BDP1: variants seen among roughly 807,000 people sequenced by gnomAD.
BDP1 encodes the protein BDP1 general transcription factor IIIB subunit, also known as transcription factor TFIIIB component B'' homolog.
In BDP1, 169 loss-of-function variants were observed where a neutral mutation model predicts 266.6. That is an observed-to-expected ratio of 0.63 (90% CI 0.56 to 0.72). BDP1 has a LOEUF of 0.72. Ranked by LOEUF, BDP1 falls within the 30% of genes least tolerant of loss-of-function variation. The pLI, the probability that BDP1 is intolerant of heterozygous loss-of-function variation, is 0.00. For missense variants in BDP1, 3,015 were observed against 3,053.8 expected, an observed-to-expected ratio of 0.99 and a Z score of 0.30; for synonymous variants, 1,090 against 1,022.4, an observed-to-expected ratio of 1.07 and a Z score of -1.26.
chr5:71,577,741 C>T, the BDP1 span, among the ~76,000 whole-genome samples: 1 of 151,972 alleles, frequency 6.6e-6, no homozygotes, highest in African/African-American at 2.4e-5. Context: ...AGAGCGTCAA[C>T]CCTTGGACCT....
Position 71,560,069 on chromosome 5 carries a change from C to G in BDP1, c.7328C>G (p.Ala2443Gly), listed in dbSNP as rs748666920. Residue 2443 changes from alanine (A) to glycine (G), a missense_variant, in exon 37 of 39, where the codon GCT (alanine) becomes GGT (glycine). Coordinates refer to ENST00000358731, the MANE Select transcript of BDP1 (RefSeq NM_018429.3). ...PEPQRQQVEA[A>G]FQSRGSRSPD... ...CCTCAAAGACAGCAAGTTGAAGCAG[C>G]TTTTCAGAGTAGAGGATCTAGATCT... 7 of 1,613,908 alleles carry G rather than the reference C, an allele frequency of 4.3e-6. No homozygotes were observed. In the Admixed American group the frequency reaches 8.3e-5, roughly 19 times the overall value.
At chr5:71,558,855 ACCC>A (rs1743425152) in intron 36 of BDP1, among the ~76,000 whole-genome samples, 1 of 148,448 alleles carries the variant, frequency 6.7e-6, no homozygotes, top group South Asian at 2.1e-4. Flanking sequence ...CAACAAAAAA[ACCC>A]CACACATATA....
chr5:71,532,176 T>A (rs1766286921), intron 25 of BDP1, 132 bp from the exon 26 acceptor site: 1 of 728,270 alleles, frequency 1.4e-6, no homozygotes, highest in East Asian at 3.0e-5. Context: ...CCATTCCATT[T>A]TTTAAGTTAT....
chr5:71,551,133 T>G (rs1262507790), intron 34 of BDP1, among the ~76,000 whole-genome samples: 1 of 152,086 alleles, frequency 6.6e-6, no homozygotes, highest in Non-Finnish European at 1.5e-5. Flanking sequence ...TTATTTTTAA[T>G]TGATCATTCT....
At chr5:71,572,642 A>G (rs755504561), downstream of BDP1, among the ~76,000 whole-genome samples, 16 of 152,228 alleles carry the variant, frequency 1.1e-4, no homozygotes, top group African/African-American at 1.7e-4. Context: ...TCGTTGAAAC[A>G]AACTGGTGCT....
At chr5:71,500,362 G>A (rs1174104714) in intron 13 of BDP1, among the ~76,000 whole-genome samples, 1 of 46,258 alleles carries the variant, frequency 2.2e-5, no homozygotes, top group African/African-American at 1.2e-4. Flanking sequence ...TTTCACTCTT[G>A]TTGCCCCAGC....
In BDP1 at chr5:71,510,593, T is replaced by G; in HGVS notation, c.3501T>G (p.Asp1167Glu). 1.3e-6 allele frequency: 2 copies of G among 1,587,258 alleles called. No homozygotes were observed. The highest frequency in any genetic ancestry group is 1.7e-6 in the Non-Finnish European group (2 of 1,163,056). ...ENGPEEVKPV[D>E]EMETDLKTTG... ...GCCCAGAGGAGGTCAAGCCTGTAGA[T>G]GAAATGGAGACAGACTTGAAAACAA... Residue 1167 changes from aspartate (D) to glutamate (E), a missense_variant, in exon 17 of 39, where the codon GAT becomes GAG. Asp to Glu is a conservative substitution (Grantham distance 45). Coordinates refer to ENST00000358731, the MANE Select transcript of BDP1 (RefSeq NM_018429.3).
In BDP1 at chr5:71,535,128, T is replaced by G. The variant is rs141690653; in HGVS notation, c.5892+2701T>G. On this transcript the variant is annotated intron_variant, in intron 26 of 38. Coordinates refer to ENST00000358731, the MANE Select transcript of BDP1 (RefSeq NM_018429.3). ...TTCTTTCTGTATTAGTTTCCTAGGA[T>G]CACTGTAACAAAGTACAGATGCTCC... is the stretch of plus-strand genomic sequence containing the variant. 5.4e-3 allele frequency among the ~76,000 whole-genome samples: 829 copies of G among 152,314 alleles called. 8 individuals carry two copies. Among genetic ancestry groups the G allele is most frequent in the African/African-American group, 0.019 (795 of 41,562 alleles).
chr5:71,536,867 GC>G (rs1380764391), intron 26 of BDP1, among the ~76,000 whole-genome samples: 1 of 151,928 alleles, frequency 6.6e-6, no homozygotes, highest in African/African-American at 2.4e-5. Flanking sequence ...GTTGGCTCAC[GC>G]CTATAATCCC....
At position 71,502,656 on chromosome 5, in the gene BDP1, A is replaced by T. The variant is rs754902524; in HGVS notation, c.2106A>T (p.Val702=). The part of the protein sequence containing the change: ...EGSQLKALRP[V]QVRGRLQKPK... ...GTCAACTAAAGGCTTTAAGACCTGT[A>T]CAAGTGAGGGGCCGATTGCAAAAGC... The change falls in exon 15 of 39, where the codon GTA becomes GTT. Residue 702 remains valine (V), a synonymous_variant. Transcript: ENST00000358731. 1 of 1,614,150 alleles carries T rather than the reference A, an allele frequency of 6.2e-7. No homozygotes were observed.
Position 71,545,339 on chromosome 5 carries a change from T to TC in BDP1, c.6744+121dup, listed in dbSNP as rs1742205747. On this transcript the variant is annotated intron_variant, in intron 32 of 38. Transcript: ENST00000358731. ...TTTATCTTCATTTTTCTTTATTTCT[T>TC]CTTTTTTTTTTGGAGACAGTCTTGT... 4 of 1,006,138 alleles carry TC rather than the reference T, an allele frequency of 4.0e-6. No individual in the cohort carries two copies. The Admixed American group carries it at 1.1e-4, about 28-fold the overall frequency. 62.3% of individuals were successfully genotyped at this position (1,006,138 alleles called of 1,614,324 possible).
chr5:71,517,398 G>C lies in BDP1; in HGVS notation c.4937G>C (p.Ser1646Thr), dbSNP rs1174019809. The C allele has an allele frequency of 6.2e-7, 1 of 1,605,764 alleles. No homozygotes were observed. The highest frequency in any genetic ancestry group is 1.7e-5 in the Admixed American group (1 of 57,566). The change falls in exon 22 of 39, where the codon AGT (serine) becomes ACT (threonine). Residue 1646 changes from serine (S) to threonine (T), a missense_variant. Ser to Thr is a moderately conservative substitution (Grantham distance 58). This residue lies in a region of BDP1 where 2,383 missense variants were observed against 2,404.9 expected (regional missense o/e 0.99). Coordinates refer to ENST00000358731, the MANE Select transcript of BDP1 (RefSeq NM_018429.3). ...VPEHRMYENQ[S>T]QVVLVENLHV... ...GAACACAGAATGTATGAAAATCAAAGTCAGGTGGTTCTTGTAGAAAACCTT... is the reference window on the plus strand; with the variant it reads ...GAACACAGAATGTATGAAAATCAAACTCAGGTGGTTCTTGTAGAAAACCTT...
chr5:71,525,797 A>G, intron 25 of BDP1, among the ~76,000 whole-genome samples: 1 of 151,570 alleles, frequency 6.6e-6, no homozygotes, highest in East Asian at 2.0e-4. Flanking sequence ...CACTTCCCAG[A>G]CGGGGTGGCT....
At chr5:71,471,844 C>A (rs1452598610) in intron 7 of BDP1, among the ~76,000 whole-genome samples, 2 of 152,118 alleles carry the variant, frequency 1.3e-5, no homozygotes, top group African/African-American at 4.8e-5. Context: ...TATGTTTTTT[C>A]CACTAGAACT....
rs1260039985 is a variant in BDP1 at position 71,560,043 on chromosome 5, A to G, written c.7302A>G (p.Glu2434=). 2 of 1,613,996 alleles carry G rather than the reference A, an allele frequency of 1.2e-6. No individual in the cohort carries two copies. The highest frequency in any genetic ancestry group is 1.7e-5 in the Admixed American group (1 of 60,020). The change falls in exon 37 of 39, where the codon GAA becomes GAG. Residue 2434 remains glutamate, a synonymous_variant. Coordinates refer to ENST00000358731, the MANE Select transcript of BDP1 (RefSeq NM_018429.3). ...LTSGSTLTTP[E]PQRQQVEAAF... is the part of the protein sequence containing the mutation. ...CAGGAAGCACACTGACAACTCCAGA[A>G]CCTCAAAGACAGCAAGTTGAAGCAG...
chr5:71,540,673 C>T (rs779641091), intron 28 of BDP1, among the ~76,000 whole-genome samples: 1 of 152,134 alleles, frequency 6.6e-6, no homozygotes. Flanking sequence ...TGCAGCAGCT[C>T]ATGCCAATAA....
chr5:71,540,905 T>C (rs1173120470), intron 28 of BDP1, among the ~76,000 whole-genome samples: 2 of 152,062 alleles, frequency 1.3e-5, no homozygotes, highest in Non-Finnish European at 2.9e-5. Context: ...ACCACTGCAC[T>C]CCAGCCTGGG....
chr5:71,489,133 A>G (rs1337881187), intron 9 of BDP1, among the ~76,000 whole-genome samples: 3 of 152,162 alleles, frequency 2.0e-5, no homozygotes, highest in African/African-American at 7.2e-5. Context: ...ATGAGATTTT[A>G]TGTGTATCTT....
chr5:71,491,738 G>A (rs776524245), intron 11 of BDP1, among the ~76,000 whole-genome samples: 2 of 152,034 alleles, frequency 1.3e-5, no homozygotes, highest in Non-Finnish European at 2.9e-5. Flanking sequence ...TTGTTTTTGA[G>A]ATGGGGTCGG....
Sources: gnomAD v4.1 joint callset for allele counts (sites outside exome capture counted in the v4.1 genomes callset) on GRCh38, gnomAD v4.1.1 for gene constraint, gnomAD v4.1.1 regional missense constraint, MANE v1.5 for transcripts, NCBI Gene and HGNC (gene_info 2026-07-23, HGNC 2026-07-21) for gene names.